NR3C2: variants seen among roughly 807,000 people sequenced by gnomAD.
NR3C2 encodes nuclear receptor subfamily 3 group C member 2, also known as mineralocorticoid receptor.
Under a neutral mutation model 86.4 loss-of-function variants are expected in NR3C2, and 15 were observed. The observed-to-expected ratio is 0.17, with a 90% confidence interval of 0.12 to 0.27. The LOEUF (loss-of-function observed/expected upper bound fraction) is 0.27, where lower values mean the gene tolerates loss of function less well. Among genes scored for constraint, NR3C2 ranks in the 10% least tolerant of loss-of-function variants. The pLI is 1.00. For missense variants in NR3C2, 960 were observed against 1,195.6 expected, an observed-to-expected ratio of 0.80 and a Z score of 2.91; for synonymous variants, 458 against 450.5, an observed-to-expected ratio of 1.02 and a Z score of -0.21.
chr4:148,087,883 T>C (rs1278249790), intron 8 of NR3C2, among the ~76,000 whole-genome samples: 11 of 152,004 alleles, frequency 7.2e-5, no homozygotes, highest in Non-Finnish European at 2.9e-5. Flanking sequence ...TCTAATAAAC[T>C]AAAGAGCTTC....
intron 5 of NR3C2, among the ~76,000 whole-genome samples, 164 bp downstream of exon 5, chr4:148,154,387 C>G (rs917659263): frequency 1.3e-5 from 2 of 152,166 alleles, no homozygotes. Flanking sequence ...AGCACATTAA[C>G]CATATTTTTC....
intron 2 of NR3C2, among the ~76,000 whole-genome samples, chr4:148,297,485 C>T (rs1053809068): frequency 2.0e-5 from 3 of 152,190 alleles, no homozygotes; most frequent in African/African-American, 7.2e-5. Context: ...ACAGGCTGGG[C>T]ATGGTGGCTC....
chr4:148,107,306 A>G (rs1731845855), intron 8 of NR3C2, among the ~76,000 whole-genome samples: 1 of 152,254 alleles, frequency 6.6e-6, no homozygotes, highest in Non-Finnish European at 1.5e-5. Context: ...ATACCATCTC[A>G]CGCCAGTCAG....
intron 2 of NR3C2, among the ~76,000 whole-genome samples, chr4:148,335,480 A>G (rs991687671): frequency 2.6e-5 from 4 of 152,224 alleles, no homozygotes; most frequent in African/African-American, 4.8e-5. Flanking sequence ...TCGCCTGCAG[A>G]AGAACTACTG....
At chr4:148,166,147 T>G (rs530424475) in intron 4 of NR3C2, among the ~76,000 whole-genome samples, 8 of 152,256 alleles carry the variant, frequency 5.3e-5, no homozygotes, top group Non-Finnish European at 1.0e-4. Context: ...CTGGGATCTC[T>G]TCAGGATACA....
At chr4:148,341,843 T>C (rs1387367413) in intron 2 of NR3C2, among the ~76,000 whole-genome samples, 1 of 152,204 alleles carries the variant, frequency 6.6e-6, no homozygotes, top group Non-Finnish European at 1.5e-5. Flanking sequence ...ATATATTCAC[T>C]TATTTTTAAA....
intron 8 of NR3C2, among the ~76,000 whole-genome samples, chr4:148,091,832 C>T (rs1363614089): frequency 6.6e-6 from 1 of 152,166 alleles, no homozygotes; most frequent in African/African-American, 2.4e-5. Context: ...TGAACTCACA[C>T]CCTGGAAGGG....
At chr4:148,082,305 C>T (rs146868779) in intron 8 of NR3C2, among the ~76,000 whole-genome samples, 2 of 152,352 alleles carry the variant, frequency 1.3e-5, no homozygotes, top group East Asian at 1.9e-4. Context: ...CTCTGGTCTG[C>T]AGTTCCCAGT....
chr4:148,255,916 G>T (rs1481204368), intron 3 of NR3C2, among the ~76,000 whole-genome samples: 2 of 152,190 alleles, frequency 1.3e-5, no homozygotes, highest in African/African-American at 2.4e-5. Flanking sequence ...CTGGGTGGGG[G>T]AAGTCATCCA....
chr4:148,103,414 C>G (rs1731631079), intron 8 of NR3C2, among the ~76,000 whole-genome samples: 1 of 152,198 alleles, frequency 6.6e-6, no homozygotes, highest in African/African-American at 2.4e-5. Flanking sequence ...GTGTGCCTCC[C>G]CTGCCAGTAG....
rs1749972784 is a variant in NR3C2 at position 148,435,123 on chromosome 4, T to C, written c.1738A>G (p.Ile580Val). The part of the protein sequence containing the change: ...RSDGYPVLEY[I>V]PENVSSSTLR... Reference sequence around the variant, plus strand: ...ACTTACCTTGATACATTTTCTGGAATGTATTCTAAGACCGGATACCCATCA... The same window carrying C: ...ACTTACCTTGATACATTTTCTGGAACGTATTCTAAGACCGGATACCCATCA... The change falls in exon 2 of 9, where the codon ATT becomes GTT. Residue 580 changes from isoleucine to valine, a missense_variant. Physicochemically the swap from Ile to Val is conservative, Grantham distance 29. This residue lies in a region of NR3C2 where 680 missense variants were observed against 719.0 expected (regional missense o/e 0.95). Transcript: ENST00000358102. The C allele has an allele frequency of 3.1e-6, 5 of 1,614,212 alleles. No individual in the cohort carries two copies. The highest frequency in any genetic ancestry group is 1.7e-5 in the Admixed American group (1 of 60,036).
intron 3 of NR3C2, among the ~76,000 whole-genome samples, chr4:148,223,605 T>C (rs935623317): frequency 5.9e-5 from 9 of 152,044 alleles, no homozygotes; most frequent in African/African-American, 2.2e-4. Context: ...AACTGAGTAG[T>C]AGTATGGTTA....
intron 2 of NR3C2, among the ~76,000 whole-genome samples, chr4:148,304,621 G>C (rs1487649808): frequency 6.6e-6 from 1 of 151,970 alleles, no homozygotes; most frequent in African/African-American, 2.4e-5. Context: ...AGTTAAGATT[G>C]GTCTTCATCC....
chr4:148,135,459 C>T (rs2149747143), intron 6 of NR3C2, among the ~76,000 whole-genome samples: 1 of 152,200 alleles, frequency 6.6e-6, no homozygotes, highest in East Asian at 1.9e-4. Context: ...CCTTACCACA[C>T]ATTGAACCTG....
intron 2 of NR3C2, among the ~76,000 whole-genome samples, chr4:148,382,561 G>A (rs1747053396): frequency 6.6e-6 from 1 of 152,164 alleles, no homozygotes; most frequent in Non-Finnish European, 1.5e-5. Context: ...TGGGAGTTAT[G>A]AAAGGTATCA....
chr4:148,184,555 C>T (rs1041336603), intron 4 of NR3C2, among the ~76,000 whole-genome samples: 1 of 151,948 alleles, frequency 6.6e-6, no homozygotes, highest in Non-Finnish European at 1.5e-5. Flanking sequence ...ATTTCATATA[C>T]ATATTTACAA....
intron 2 of NR3C2, among the ~76,000 whole-genome samples, chr4:148,345,057 T>C (rs1247469702): frequency 1.3e-5 from 2 of 152,170 alleles, no homozygotes; most frequent in Non-Finnish European, 2.9e-5. Context: ...TTTTAAACAT[T>C]CAACAAAATC....
chr4:148,327,281 A>G (rs567126003), intron 2 of NR3C2, among the ~76,000 whole-genome samples: 1 of 152,330 alleles, frequency 6.6e-6, no homozygotes, highest in African/African-American at 2.4e-5. Context: ...GTTCTTATTG[A>G]CAGAAAGAAA....
At chr4:148,416,574 T>G (rs549893626) in intron 2 of NR3C2, among the ~76,000 whole-genome samples, 2 of 152,350 alleles carry the variant, frequency 1.3e-5, no homozygotes, top group Admixed American at 1.3e-4. Flanking sequence ...TGATAGTGCA[T>G]GCTGCCAAAT....
Sources: allele counts gnomAD v4.1 joint callset (sites outside exome capture counted in the v4.1 genomes callset), GRCh38; gene constraint gnomAD v4.1.1; regional missense constraint gnomAD v4.1.1; transcripts MANE v1.5; gene names NCBI Gene and HGNC (gene_info 2026-07-23, HGNC 2026-07-21).